GNAO1: variants seen among roughly 807,000 people sequenced by gnomAD.
GNAO1 encodes the protein G protein subunit alpha o1.
For synonymous variants in GNAO1, 164 were observed against 180.7 expected (o/e 0.91, Z 0.74); for missense variants, 166 against 478.7 (o/e 0.35, Z 6.10).
At chr16:56,300,045 GCGCGCGCACGCACA>G (rs1435129215) in intron 3 of GNAO1, among the ~76,000 whole-genome samples, 144 of 91,900 alleles carry the variant, frequency 1.6e-3, no homozygotes, top group South Asian at 5.0e-3. Flanking sequence ...GTGCGCGCGC[GCGCGCGCACGCACA>G]TGTGCTTGTG....
In GNAO1 at chr16:56,256,690, C is replaced by CTCTG. The variant is rs1555503330; in HGVS notation, c.162-19238_162-19237insGTCT. 7.6e-3 allele frequency among the ~76,000 whole-genome samples: 834 copies of CTCTG among 110,070 alleles called. 6 individuals are homozygous for CTCTG. Among genetic ancestry groups the CTCTG allele is most frequent in the African/African-American group, 0.028 (708 of 25,542 alleles). 72.2% of individuals were successfully genotyped at this position (110,070 alleles called of 152,430 possible). ...GAGGTCAGTCTCTTTCTCTCTGTCT[C>CTCTG]TCTCTCTCTCTCTCTCTCTCTCTCT... On this transcript the variant is annotated intron_variant, in intron 2 of 8. Coordinates refer to ENST00000262493, the MANE Select transcript of GNAO1 (RefSeq NM_020988.3).
intron 8 of GNAO1, chr16:56,355,861 G>A (rs1176016541): frequency 1.3e-5 from 2 of 152,228 alleles, no homozygotes; most frequent in South Asian, 4.1e-4. Flanking sequence ...GGAGCGAGGG[G>A]AACAGGCGTG....
At chr16:56,300,325 C>T (rs757020140) in intron 3 of GNAO1, among the ~76,000 whole-genome samples, 2 of 152,054 alleles carry the variant, frequency 1.3e-5, no homozygotes, top group South Asian at 2.1e-4. Flanking sequence ...AGTGGTCAGG[C>T]GGTACAGAGA....
intron 3 of GNAO1, among the ~76,000 whole-genome samples, chr16:56,318,626 C>G (rs1381497386): frequency 6.6e-6 from 1 of 152,182 alleles, no homozygotes; most frequent in African/African-American, 2.4e-5. Flanking sequence ...TCACACTTCA[C>G]TTGGCCTAAA....
intron 2 of GNAO1, among the ~76,000 whole-genome samples, chr16:56,257,927 C>T (rs2036867953): frequency 6.6e-6 from 1 of 152,176 alleles, no homozygotes; most frequent in African/African-American, 2.4e-5. Flanking sequence ...TCAGGCCTCA[C>T]CTAAGGAGGC....
At chr16:56,302,664 A>T (rs1275465470) in intron 3 of GNAO1, 1 of 152,252 alleles carries the variant, frequency 6.6e-6, no homozygotes. Context: ...ACAGTACCCT[A>T]CATGACTGGG....
chr16:56,348,640 T>G (rs1193705325), intron 6 of GNAO1, among the ~76,000 whole-genome samples: 1 of 152,236 alleles, frequency 6.6e-6, no homozygotes, highest in Non-Finnish European at 1.5e-5. Context: ...CCCCGGCGTC[T>G]GCTTCCTCTG....
intron 6 of GNAO1, among the ~76,000 whole-genome samples, chr16:56,341,716 C>T (rs1274296026): frequency 6.6e-6 from 1 of 152,192 alleles, no homozygotes; most frequent in African/African-American, 2.4e-5. Flanking sequence ...GGCGGGCAGC[C>T]AGGAGGGCAG....
chr16:56,308,500 GA>G (rs2037419447), intron 3 of GNAO1, among the ~76,000 whole-genome samples: 1 of 152,184 alleles, frequency 6.6e-6, no homozygotes, highest in Non-Finnish European at 1.5e-5. Context: ...TCTAACTGGG[GA>G]CACATTGAGT....
intron 2 of GNAO1, among the ~76,000 whole-genome samples, chr16:56,202,945 G>A (rs1008716100): frequency 2.0e-5 from 3 of 152,288 alleles, no homozygotes; most frequent in African/African-American, 4.8e-5. Context: ...ACAAACAATC[G>A]GACGCAGTAA....
At chr16:56,221,950 C>G (rs2036493208) in intron 2 of GNAO1, among the ~76,000 whole-genome samples, 1 of 152,104 alleles carries the variant, frequency 6.6e-6, no homozygotes. Context: ...GCCATCCAAC[C>G]CCAGTGCTCT....
chr16:56,332,669 TG>T (rs2037700769), intron 4 of GNAO1, among the ~76,000 whole-genome samples: 1 of 152,168 alleles, frequency 6.6e-6, no homozygotes, highest in Non-Finnish European at 1.5e-5. Flanking sequence ...CCTTCCCGAC[TG>T]GGTTGTTAAG....
chr16:56,255,208 G>C (rs2036835618), intron 2 of GNAO1, among the ~76,000 whole-genome samples: 1 of 152,168 alleles, frequency 6.6e-6, no homozygotes, highest in Admixed American at 6.5e-5. Context: ...TTAGATTTAG[G>C]AGAAAAGGGA....
intron 3 of GNAO1, among the ~76,000 whole-genome samples, chr16:56,324,110 A>G (rs1163870214): frequency 3.3e-5 from 5 of 152,198 alleles, no homozygotes; most frequent in Admixed American, 2.0e-4. Flanking sequence ...TCTGCTGGAG[A>G]ATCCCAGGAA....
intron 2 of GNAO1, among the ~76,000 whole-genome samples, chr16:56,200,107 A>G (rs1304060118): frequency 6.6e-6 from 1 of 152,196 alleles, no homozygotes; most frequent in Non-Finnish European, 1.5e-5. Context: ...TAGCTTCTCC[A>G]TGCTTTAAAA....
chr16:56,214,995 A>G (rs1431833156), intron 2 of GNAO1, among the ~76,000 whole-genome samples: 1 of 152,160 alleles, frequency 6.6e-6, no homozygotes, highest in African/African-American at 2.4e-5. Context: ...GGCTTGGAGG[A>G]CATACCATGG....
chr16:56,350,977 A>G (rs2037915553), intron 6 of GNAO1, among the ~76,000 whole-genome samples: 1 of 151,790 alleles, frequency 6.6e-6, no homozygotes, highest in African/African-American at 2.4e-5. Context: ...GTGCACACAC[A>G]TAGGCACACA....
At chr16:56,222,532 G>C (rs1421998135) in intron 2 of GNAO1, among the ~76,000 whole-genome samples, 1 of 152,178 alleles carries the variant, frequency 6.6e-6, no homozygotes, top group Non-Finnish European at 1.5e-5. Flanking sequence ...GTGATTGCTT[G>C]TATCAGTGGC....
At chr16:56,293,734 G>A (rs2037255751) in intron 3 of GNAO1, among the ~76,000 whole-genome samples, 1 of 152,130 alleles carries the variant, frequency 6.6e-6, no homozygotes, top group South Asian at 2.1e-4. Flanking sequence ...GCTAATTTCA[G>A]AGCTGTCCTG....
Sources: allele counts gnomAD v4.1 joint callset (sites outside exome capture counted in the v4.1 genomes callset), GRCh38; gene constraint gnomAD v4.1.1; transcripts MANE v1.5; gene names NCBI Gene and HGNC (gene_info 2026-07-23, HGNC 2026-07-21).